Variants in MAML3 observed in about 807,000 individuals in gnomAD.
MAML3 encodes the protein mastermind like transcriptional coactivator 3, also known as mastermind-like protein 3.
Under a neutral mutation model 101.9 loss-of-function variants are expected in MAML3, and 27 were observed. The ratio of observed to expected loss-of-function variants is 0.27; its 90% CI spans 0.20 to 0.37. The LOEUF is 0.37. Among genes scored for constraint, MAML3 ranks in the 10% least tolerant of loss-of-function variants. The pLI is 1.00. For synonymous variants in MAML3, 501 were observed against 555.9 expected, an observed-to-expected ratio of 0.90 and a Z score of 1.39; for missense variants, 1,316 against 1,444.9, an observed-to-expected ratio of 0.91 and a Z score of 1.45.
intron 2 of MAML3, among the ~76,000 whole-genome samples, chr4:139,802,443 T>C (rs551529392): frequency 2.0e-5 from 3 of 152,320 alleles, no homozygotes; most frequent in African/African-American, 4.8e-5. Flanking sequence ...CATGCCCGAC[T>C]TCCTCTCATC....
At chr4:139,907,811 TAACTTATAC>T (rs1323056367) in intron 1 of MAML3, among the ~76,000 whole-genome samples, 2 of 152,246 alleles carry the variant, frequency 1.3e-5, no homozygotes, top group African/African-American at 4.8e-5. Context: ...ACAACTTGGC[TAACTTATAC>T]AACTGTGCAC....
intron 2 of MAML3, among the ~76,000 whole-genome samples, chr4:139,768,665 T>C: frequency 6.6e-6 from 1 of 152,200 alleles, no homozygotes; most frequent in Admixed American, 6.5e-5. Context: ...CTGCTACTCT[T>C]AGTACTACGC....
intron 2 of MAML3, among the ~76,000 whole-genome samples, chr4:139,849,929 G>A (rs182894594): frequency 5.3e-5 from 8 of 152,150 alleles, no homozygotes; most frequent in African/African-American, 1.7e-4. Context: ...AACATGGCTT[G>A]ATATGCTAAC....
chr4:139,847,386 G>C (rs1432130604), intron 2 of MAML3, among the ~76,000 whole-genome samples: 2 of 152,164 alleles, frequency 1.3e-5, no homozygotes, highest in African/African-American at 4.8e-5. Context: ...AGTCCTGCAA[G>C]AGTCACACGG....
intron 1 of MAML3, among the ~76,000 whole-genome samples, chr4:139,942,770 T>C (rs1357479062): frequency 1.3e-5 from 2 of 152,162 alleles, no homozygotes; most frequent in African/African-American, 2.4e-5. Context: ...TTGGAACAGT[T>C]ACATTAGAAA....
intron 1 of MAML3, among the ~76,000 whole-genome samples, chr4:140,022,901 C>T (rs1726754713): frequency 6.6e-6 from 1 of 152,160 alleles, no homozygotes; most frequent in South Asian, 2.1e-4. Context: ...CTTTCTCTCT[C>T]AGTTCTTATG....
chr4:139,886,605 T>C lies in MAML3; in HGVS notation c.2079+2752A>G, dbSNP rs567754415. Among the ~76,000 whole-genome samples the C allele has an allele frequency of 3.9e-4, 60 of 152,330 alleles. No homozygotes were observed. The South Asian group carries it at 8.7e-3, about 22-fold the overall frequency. On this transcript the variant is annotated intron_variant, in intron 2 of 4. Coordinates refer to ENST00000509479, the MANE Select transcript of MAML3 (RefSeq NM_018717.5). ...ATCTATTTTATTCATATTATGAGCA[T>C]TTCCATATGATTAGTCATTCATTTA...
At chr4:140,057,188 A>G (rs1055436897) in intron 1 of MAML3, among the ~76,000 whole-genome samples, 44 of 152,196 alleles carry the variant, frequency 2.9e-4, no homozygotes, top group African/African-American at 1.0e-3. Flanking sequence ...ATGTGGGAGG[A>G]TCGCTTGAGC....
Position 139,983,735 on chromosome 4 carries a change from A to T in MAML3, c.469-92768T>A, listed in dbSNP as rs180964049. ...GTAACATGGAAAACAGTATTAGAGGAGGGTGAAGATGTAAAATATCATTTG... is the reference window on the plus strand; with the variant it reads ...GTAACATGGAAAACAGTATTAGAGGTGGGTGAAGATGTAAAATATCATTTG... On this transcript the variant is annotated intron_variant, in intron 1 of 4. Transcript: ENST00000509479. 4.6e-5 allele frequency among the ~76,000 whole-genome samples: 7 copies of T among 152,274 alleles called. No individual in the cohort carries two copies. The East Asian group carries it at 1.4e-3, about 29-fold the overall frequency.
At chr4:139,888,502 C>T (rs6839194) in intron 2 of MAML3, 4 of 517,846 alleles carry the variant, frequency 7.7e-6, no homozygotes, top group Non-Finnish European at 1.5e-5. Context: ...CAGGGTAGAA[C>T]AAATGTTATA....
intron 1 of MAML3, among the ~76,000 whole-genome samples, chr4:139,922,160 C>T (rs1038647570): frequency 6.6e-5 from 10 of 151,972 alleles, no homozygotes; most frequent in African/African-American, 1.2e-4. Context: ...CTGTCTCCTG[C>T]GTTTGGAAAG....
At chr4:139,782,909 A>G (rs916479617) in intron 2 of MAML3, among the ~76,000 whole-genome samples, 1 of 152,144 alleles carries the variant, frequency 6.6e-6, no homozygotes, top group African/African-American at 2.4e-5. Context: ...GCAACATTCA[A>G]AGTAGAGCCT....
intron 1 of MAML3, among the ~76,000 whole-genome samples, chr4:140,074,903 G>A (rs1727742771): frequency 6.6e-6 from 1 of 152,148 alleles, no homozygotes; most frequent in South Asian, 2.1e-4. Flanking sequence ...TGTGTACAAG[G>A]TGCATATGAA....
Position 139,730,545 on chromosome 4 carries a change from G to C in MAML3, c.2202C>G (p.Pro734=). ...PAGPGFLGSQ[P]QAAIMKQMLI... Reference sequence around the variant, plus strand: ...GCATCTGCTTCATGATGGCTGCTTGGGGCTGGCTGCCCAGGAAGCCGGGGC... The same window carrying C: ...GCATCTGCTTCATGATGGCTGCTTGCGGCTGGCTGCCCAGGAAGCCGGGGC... The change falls in exon 3 of 5, where the codon CCC becomes CCG. Residue 734 remains proline (P), a synonymous_variant. Coordinates refer to ENST00000509479, the MANE Select transcript of MAML3 (RefSeq NM_018717.5). The C allele has an allele frequency of 6.3e-7, 1 of 1,578,994 alleles. No individual in the cohort carries two copies. Among genetic ancestry groups the C allele is most frequent in the African/African-American group, 1.3e-5 (1 of 74,338 alleles).
intron 2 of MAML3, among the ~76,000 whole-genome samples, chr4:139,798,068 GA>G (rs1730545741): frequency 6.7e-6 from 1 of 149,580 alleles, no homozygotes; most frequent in African/African-American, 2.5e-5. Context: ...AAGAAAGAAA[GA>G]AAGAAAGAAA....
At chr4:139,941,961 C>A (rs995047080) in intron 1 of MAML3, among the ~76,000 whole-genome samples, 2 of 152,040 alleles carry the variant, frequency 1.3e-5, no homozygotes, top group Non-Finnish European at 2.9e-5. Context: ...TGGTGAAACC[C>A]CGTCCCTACT....
intron 2 of MAML3, among the ~76,000 whole-genome samples, chr4:139,883,219 G>A (rs1311956521): frequency 1.3e-5 from 2 of 152,160 alleles, no homozygotes; most frequent in African/African-American, 2.4e-5. Context: ...GAGGGAGGGA[G>A]AGAGGGAAAA....
At chr4:139,805,076 G>A (rs1479200381) in intron 2 of MAML3, among the ~76,000 whole-genome samples, 1 of 152,184 alleles carries the variant, frequency 6.6e-6, no homozygotes, top group Non-Finnish European at 1.5e-5. Context: ...CTATTCAGGA[G>A]GCTGAGGCAG....
chr4:140,049,002 GAAAA>G (rs375879642), intron 1 of MAML3, among the ~76,000 whole-genome samples: 1 of 152,174 alleles, frequency 6.6e-6, no homozygotes, highest in Non-Finnish European at 1.5e-5. Context: ...AAGAGAGAAA[GAAAA>G]AGAGAGAGGA....
Sources: gnomAD v4.1 joint callset for allele counts (sites outside exome capture counted in the v4.1 genomes callset) on GRCh38, gnomAD v4.1.1 for gene constraint, MANE v1.5 for transcripts, NCBI Gene and HGNC (gene_info 2026-07-23, HGNC 2026-07-21) for gene names.